CD101: variants seen among roughly 807,000 people sequenced by gnomAD.
CD101 encodes CD101 molecule.
In CD101, 76 loss-of-function variants were observed where a neutral mutation model predicts 98.2. The ratio of observed to expected loss-of-function variants is 0.77; its 90% CI spans 0.64 to 0.94. The LOEUF is 0.94. Among genes scored for constraint, CD101 ranks in the 40% least tolerant of loss-of-function variants. The pLI is 0.00. For synonymous variants in CD101, 471 were observed against 472.7 expected (o/e 1.00, Z 0.05); for missense variants, 1,145 against 1,218.8 (o/e 0.94, Z 0.90).
At position 117,022,650 on chromosome 1, in the gene CD101, C is replaced by T. The variant is rs1234021657; in HGVS notation, c.2428+667C>T. Among the ~76,000 whole-genome samples the T allele has an allele frequency of 6.6e-6, 1 of 152,174 alleles. No individual in the cohort carries two copies. The highest frequency in any genetic ancestry group is 2.4e-5 in the African/African-American group (1 of 41,450). On this transcript the variant is annotated intron_variant, in intron 7 of 9. Coordinates refer to ENST00000682167, the MANE Select transcript of CD101 (RefSeq NM_001256106.3). The surrounding 1 kb of genome is among the most constrained non-coding windows in gnomAD (Gnocchi z 4.8). ...GAATGTCACAGCCAAGGTTCAGGAA[C>T]TGGCCAAGATCCTACAGCACAATGC...
Position 117,010,195 on chromosome 1 carries a change from A to T in CD101, c.389A>T (p.Tyr130Phe). The T allele has an allele frequency of 1.2e-6, 2 of 1,614,036 alleles. No homozygotes were observed. Among genetic ancestry groups the T allele is most frequent in the Non-Finnish European group, 1.7e-6 (2 of 1,179,910 alleles). Residue 130 changes from tyrosine to phenylalanine, a missense_variant, in exon 2 of 10, where the codon TAC becomes TTC. By Grantham distance (22) the Tyr-to-Phe change is conservative (BLOSUM62 3). Transcript: ENST00000682167. This position sits in a 1 kb window ranked among gnomAD's most constrained non-coding sequence, Gnocchi z 5.2. The part of the protein sequence containing the change: ...ECHTPNTDEK[Y>F]YGSYSAKTNL... ...CACACACCAAACACTGATGAGAAAT[A>T]CTATGGAAGTTACAGTGCAAAGACT... is the stretch of plus-strand genomic sequence containing the variant.
chr1:117,005,632 C>G lies in CD101; in HGVS notation c.43+3772C>G, dbSNP rs1652483241. On this transcript the variant is annotated intron_variant, in intron 1 of 9. Coordinates refer to ENST00000682167, the MANE Select transcript of CD101 (RefSeq NM_001256106.3). The surrounding 1 kb of genome is among the most constrained non-coding windows in gnomAD (Gnocchi z 4.4). ...CCCATCCCCTAAAGAGAGAAATTCC[C>G]TAGTAATCTCTCCTTAGTCCTCTTC... Among the ~76,000 whole-genome samples the G allele has an allele frequency of 6.6e-6, 1 of 152,156 alleles. No homozygotes were observed. The highest frequency in any genetic ancestry group is 6.5e-5 in the Admixed American group (1 of 15,270).
At position 117,010,179 on chromosome 1, in the gene CD101, A is replaced by G; in HGVS notation, c.373A>G (p.Asn125Asp). The G allele has an allele frequency of 6.2e-7, 1 of 1,614,194 alleles. No individual in the cohort carries two copies. Among genetic ancestry groups the G allele is most frequent in the Non-Finnish European group, 8.5e-7 (1 of 1,180,032 alleles). The change falls in exon 2 of 10, where the codon AAC becomes GAC. Residue 125 changes from asparagine (N) to aspartate (D), a missense_variant. Physicochemically the swap from Asn to Asp is conservative, Grantham distance 23. Transcript: ENST00000682167. The surrounding 1 kb of genome is among the most constrained non-coding windows in gnomAD (Gnocchi z 5.2). The part of the protein sequence containing the change: ...DAGEYECHTP[N>D]TDEKYYGSYS... ...TGGCGAGTATGAGTGTCACACACCA[A>G]ACACTGATGAGAAATACTATGGAAG...
In CD101 at chr1:117,017,563, C is replaced by T. The variant is rs559596796; in HGVS notation, c.1612+90C>T. ...GGATTGCGTGTTATCCTGAATCCCCCAGTGATGGTATGTGTACCCTAGGAC... is the reference window on the plus strand; with the variant it reads ...GGATTGCGTGTTATCCTGAATCCCCTAGTGATGGTATGTGTACCCTAGGAC... On this transcript the variant is annotated intron_variant, in intron 5 of 9. Coordinates refer to ENST00000682167, the MANE Select transcript of CD101 (RefSeq NM_001256106.3). The T allele has an allele frequency of 1.3e-5, 17 of 1,338,204 alleles. No individual in the cohort carries two copies. The East Asian group carries it at 3.7e-4, about 29-fold the overall frequency. 82.9% of individuals were successfully genotyped at this position (1,338,204 alleles called of 1,614,324 possible). A position where few individuals can be genotyped will look rare whatever the true frequency, so the allele number is the denominator to read the frequency against.
chr1:117,016,100 C>T (rs12097676), intron 4 of CD101, among the ~76,000 whole-genome samples: 8,897 of 151,420 alleles, frequency 0.059, 303 homozygotes, highest in Non-Finnish European at 0.067. Flanking sequence ...ACATAAGAAG[C>T]CTCTCTGTTT....
chr1:117,006,100 A>G lies in CD101; in HGVS notation c.44-3750A>G, dbSNP rs140699132. Among the ~76,000 whole-genome samples, 297 of 152,204 alleles carry G rather than the reference A, an allele frequency of 2.0e-3. No homozygotes were observed. The highest frequency in any genetic ancestry group is 6.8e-3 in the Middle Eastern group (2 of 294). ...TATACACACAACAGTAACTCTTCCT[A>G]ATATCTGTATTTCTAGTCAGAGTAT... On this transcript the variant is annotated intron_variant, in intron 1 of 9. Coordinates refer to ENST00000682167, the MANE Select transcript of CD101 (RefSeq NM_001256106.3). This position sits in a 1 kb window ranked among gnomAD's most constrained non-coding sequence, Gnocchi z 4.4.
Position 117,022,679 on chromosome 1 carries a change from G to C in CD101, c.2428+696G>C, listed in dbSNP as rs1337944156. Among the ~76,000 whole-genome samples, 3 of 152,200 alleles carry C rather than the reference G, an allele frequency of 2.0e-5. No individual in the cohort carries two copies. The highest frequency in any genetic ancestry group is 7.2e-5 in the African/African-American group (3 of 41,452). ...CCAAGATCCTACAGCACAATGCAGA[G>C]AAGTTGATCTAATTTGGTGCTTGAA... On this transcript the variant is annotated intron_variant, in intron 7 of 9. Coordinates refer to ENST00000682167, the MANE Select transcript of CD101 (RefSeq NM_001256106.3). The surrounding 1 kb of genome is among the most constrained non-coding windows in gnomAD (Gnocchi z 4.8).
chr1:117,025,265 A>G (rs1294250558), intron 7 of CD101, among the ~76,000 whole-genome samples: 2 of 152,214 alleles, frequency 1.3e-5, no homozygotes, highest in Non-Finnish European at 2.9e-5. Flanking sequence ...TGGGAGGCTG[A>G]GGCAGGAGAA....
chr1:117,015,131 A>G (rs1262197083), intron 4 of CD101, among the ~76,000 whole-genome samples: 1 of 152,238 alleles, frequency 6.6e-6, no homozygotes, highest in Non-Finnish European at 1.5e-5. Context: ...CACTGGGCTT[A>G]CTATGTAGAC....
chr1:117,025,726 G>A lies in CD101; in HGVS notation c.2646G>A (p.Leu882=), dbSNP rs546346441. 3.7e-6 allele frequency: 6 copies of A among 1,614,198 alleles called. No homozygotes were observed. The East Asian group carries it at 6.7e-5, about 18-fold the overall frequency. ...EYGEEGLRRH[L]HCYRSSSTDF... ...GGGAAGAGGGGCTCAGGAGGCACCT[G>A]CACTGTTACCGTTCATCCTCTACAG... Residue 882 remains leucine, a synonymous_variant, in exon 8 of 10, where the codon CTG becomes CTA. Transcript: ENST00000682167.
chr1:117,024,418 G>A (rs1036052739), intron 7 of CD101, among the ~76,000 whole-genome samples: 3 of 152,046 alleles, frequency 2.0e-5, no homozygotes, highest in Admixed American at 1.3e-4. Flanking sequence ...CAGAGGTTGC[G>A]GTGAGCCAAG....
intron 7 of CD101, among the ~76,000 whole-genome samples, chr1:117,024,494 AAAAT>A (rs55950136): frequency 0.94 from 141,095 of 150,382 alleles, 66,356 homozygotes; most frequent in East Asian, 0.99. Flanking sequence ...AAATAAAATA[AAAAT>A]AAATAAATAA....
chr1:117,025,892 G>A lies in CD101; in HGVS notation c.2812G>A (p.Val938Met), dbSNP rs142603483. Residue 938 changes from valine to methionine, a missense_variant, in exon 8 of 10, where the codon GTG (valine) becomes ATG (methionine). Physicochemically the swap from Val to Met is conservative, Grantham distance 21 (BLOSUM62 1). Coordinates refer to ENST00000682167, the MANE Select transcript of CD101 (RefSeq NM_001256106.3). ...SDESQRMVLT[V>M]LPSEPTLPSR... is the part of the protein sequence containing the mutation. ...TGAGTCACAGCGGATGGTGCTCACG[G>A]TGCTGCCTTCAGGTAACCAGGGGTT... The A allele has an allele frequency of 2.2e-4, 349 of 1,608,260 alleles. 3 individuals are homozygous for A. The East Asian group carries it at 7.2e-3, about 33-fold the overall frequency.
At position 117,017,190 on chromosome 1, in the gene CD101, G is replaced by C. The variant is rs532381154; in HGVS notation, c.1329G>C (p.Leu443=). Residue 443 remains leucine (L), a synonymous_variant, in exon 5 of 10, where the codon CTG becomes CTC. Coordinates refer to ENST00000682167, the MANE Select transcript of CD101 (RefSeq NM_001256106.3). ...AGGCTGGTGGAGCTGAAAGTCCCCT[G>C]TCTGTGAGCTGGTGGCACATCCCAC... ...LCKAGGAESP[L]SVSWWHIPRD... The C allele has an allele frequency of 6.2e-7, 1 of 1,614,232 alleles. No homozygotes were observed. Among genetic ancestry groups the C allele is most frequent in the South Asian group, 1.1e-5 (1 of 91,090 alleles).
intron 5 of CD101, 112 bp downstream of exon 5, chr1:117,017,585 G>A (rs571828949): frequency 2.1e-5 from 23 of 1,070,692 alleles, no homozygotes; most frequent in Non-Finnish European, 2.8e-5. Context: ...GTGTACCCTA[G>A]GACACAGAGC....
intron 8 of CD101, among the ~76,000 whole-genome samples, chr1:117,029,242 AAAG>A (rs1654261513): frequency 2.0e-5 from 3 of 146,602 alleles, no homozygotes; most frequent in African/African-American, 5.4e-5. Flanking sequence ...AGAAAGAAAG[AAAG>A]AAAGAAAGAA....
chr1:117,035,716 A>AT (rs1343292004), intron 9 of CD101, among the ~76,000 whole-genome samples: 145 of 150,798 alleles, frequency 9.6e-4, no homozygotes, highest in African/African-American at 3.4e-3. Flanking sequence ...TGCCTGGCTA[A>AT]TTTTTTTTTG....
In CD101 at chr1:117,011,839, G is replaced by T; in HGVS notation, c.714G>T (p.Arg238Ser). The change falls in exon 3 of 10, where the codon AGG (arginine) becomes AGT (serine). Residue 238 changes from arginine (R) to serine (S), a missense_variant. Transcript: ENST00000682167. The stretch of plus-strand genomic sequence containing the variant: ...CTACATTCAGGCTGTCCATAGAGAG[G>T]CTCCAGTCCTCAGATCAGGGTCAGC... ...GPTTFRLSIE[R>S]LQSSDQGQLF... The T allele has an allele frequency of 1.9e-6, 3 of 1,614,122 alleles. No homozygotes were observed. The highest frequency in any genetic ancestry group is 2.5e-6 in the Non-Finnish European group (3 of 1,180,020).
chr1:117,013,671 A>G lies in CD101; in HGVS notation c.1107A>G (p.Pro369=). ...AFSLKIFSLG[P]EDEGAYRCVV... is the part of the protein sequence containing the mutation. ...CTCTCAAGATCTTCTCTCTGGGCCC[A>G]GAGGATGAAGGCGCCTACAGATGTG... is the stretch of plus-strand genomic sequence containing the variant. Residue 369 remains proline (P), a synonymous_variant, in exon 4 of 10, where the codon CCA becomes CCG. Transcript: ENST00000682167. 1 of 1,614,168 alleles carries G rather than the reference A, an allele frequency of 6.2e-7. No individual in the cohort carries two copies. The highest frequency in any genetic ancestry group is 8.5e-7 in the Non-Finnish European group (1 of 1,180,038).
Sources: gnomAD v4.1 joint callset for allele counts (sites outside exome capture counted in the v4.1 genomes callset) on GRCh38, gnomAD v4.1.1 for gene constraint, Gnocchi (gnomAD v3.1) non-coding constraint, MANE v1.5 for transcripts, NCBI Gene and HGNC (gene_info 2026-07-23, HGNC 2026-07-21) for gene names.